GPC6: variants seen among roughly 807,000 people sequenced by gnomAD.
The protein encoded by GPC6 is glypican 6.
Under a neutral mutation model 55.2 loss-of-function variants are expected in GPC6, and 14 were observed. The ratio of observed to expected loss-of-function variants is 0.25; its 90% CI spans 0.17 to 0.40. The LOEUF is 0.40. GPC6 is among the 10% of genes least tolerant of loss of function. The pLI is 1.00. For synonymous variants in GPC6, 278 were observed against 259.6 expected (o/e 1.07, Z -0.68); for missense variants, 641 against 708.5 (o/e 0.90, Z 1.08).
At chr13:93,599,756 A>C (rs1010761240) in intron 2 of GPC6, among the ~76,000 whole-genome samples, 26 of 152,246 alleles carry the variant, frequency 1.7e-4, no homozygotes, top group Non-Finnish European at 3.7e-4. Context: ...AATGAGGGTT[A>C]GCTTAATTTA....
intron 3 of GPC6, among the ~76,000 whole-genome samples, chr13:93,872,041 A>T (rs1485396491): frequency 6.6e-6 from 1 of 152,030 alleles, no homozygotes; most frequent in Non-Finnish European, 1.5e-5. Flanking sequence ...CATGTATTCA[A>T]ATTTATGATC....
chr13:93,577,491 AT>A (rs34215831), intron 2 of GPC6, among the ~76,000 whole-genome samples: 137,270 of 151,682 alleles, frequency 0.9, 62,310 homozygotes, highest in African/African-American at 0.97. Context: ...AATAGATAGC[AT>A]TTTTTTTTCA....
chr13:94,226,091 T>C (rs1474978346), intron 4 of GPC6, among the ~76,000 whole-genome samples: 1 of 152,212 alleles, frequency 6.6e-6, no homozygotes, highest in Non-Finnish European at 1.5e-5. Context: ...TCTGCATTTT[T>C]GCTGAGATGA....
intron 4 of GPC6, among the ~76,000 whole-genome samples, chr13:94,100,059 G>A (rs1417430784): frequency 6.6e-6 from 1 of 151,904 alleles, no homozygotes; most frequent in African/African-American, 2.4e-5. Context: ...TGAGTACATG[G>A]GTTTACCTAT....
At chr13:93,982,435 G>A (rs1880848664) in intron 3 of GPC6, among the ~76,000 whole-genome samples, 1 of 152,140 alleles carries the variant, frequency 6.6e-6, no homozygotes, top group Non-Finnish European at 1.5e-5. Flanking sequence ...CGAGGGAAAG[G>A]TCACAGAAGA....
intron 1 of GPC6, among the ~76,000 whole-genome samples, chr13:93,527,461 C>A (rs1881699918): frequency 6.6e-6 from 1 of 152,086 alleles, no homozygotes. Flanking sequence ...ACTCTGAACT[C>A]CTTTTGGTTT....
chr13:94,139,063 A>C (rs981338894), intron 4 of GPC6, among the ~76,000 whole-genome samples: 6 of 151,878 alleles, frequency 4.0e-5, no homozygotes, highest in African/African-American at 1.5e-4. Context: ...TTTTGAAGAT[A>C]TGGTAGGAGT....
chr13:93,966,536 A>G (rs1880050736), intron 3 of GPC6, among the ~76,000 whole-genome samples: 1 of 152,110 alleles, frequency 6.6e-6, no homozygotes, highest in South Asian at 2.1e-4. Flanking sequence ...AGTATAAGCA[A>G]CTTTAGCCCA....
At chr13:93,974,500 G>A (rs574805030) in intron 3 of GPC6, among the ~76,000 whole-genome samples, 1 of 152,074 alleles carries the variant, frequency 6.6e-6, no homozygotes, top group Non-Finnish European at 1.5e-5. Flanking sequence ...GATGATCTAT[G>A]TAACAAATCT....
At chr13:93,280,600 C>A (rs932397356) in intron 1 of GPC6, among the ~76,000 whole-genome samples, 2 of 152,170 alleles carry the variant, frequency 1.3e-5, no homozygotes, top group African/African-American at 4.8e-5. Flanking sequence ...TTGTGCATGC[C>A]TAACAAGGTA....
intron 3 of GPC6, among the ~76,000 whole-genome samples, chr13:93,993,214 T>C (rs762909300): frequency 6.6e-6 from 1 of 152,140 alleles, no homozygotes; most frequent in Non-Finnish European, 1.5e-5. Context: ...TGTAAATAGA[T>C]GTATTTGCAT....
chr13:93,414,079 T>C (rs935245683), intron 1 of GPC6, among the ~76,000 whole-genome samples: 1 of 152,204 alleles, frequency 6.6e-6, no homozygotes, highest in Non-Finnish European at 1.5e-5. Flanking sequence ...GACCACATAT[T>C]TGCCTATGCT....
At chr13:94,172,831 C>G (rs1165332480) in intron 4 of GPC6, among the ~76,000 whole-genome samples, 1 of 152,108 alleles carries the variant, frequency 6.6e-6, no homozygotes, top group Non-Finnish European at 1.5e-5. Context: ...GCATGAGAGA[C>G]AGTATGTTCA....
At chr13:93,483,890 G>A (rs1879606653) in intron 1 of GPC6, among the ~76,000 whole-genome samples, 2 of 152,106 alleles carry the variant, frequency 1.3e-5, no homozygotes, top group Admixed American at 6.6e-5. Flanking sequence ...TTGGAAATTA[G>A]CTACATATTG....
chr13:94,094,378 T>C (rs1885594959), intron 4 of GPC6, among the ~76,000 whole-genome samples: 1 of 152,178 alleles, frequency 6.6e-6, no homozygotes, highest in Non-Finnish European at 1.5e-5. Flanking sequence ...TGGAAATTAC[T>C]GGCACCTCTT....
At chr13:93,272,656 A>G (rs1265105155) in intron 1 of GPC6, among the ~76,000 whole-genome samples, 1 of 152,070 alleles carries the variant, frequency 6.6e-6, no homozygotes, top group Non-Finnish European at 1.5e-5. Flanking sequence ...GAGCTCCAAC[A>G]ATTTGTTCTA....
intron 1 of GPC6, among the ~76,000 whole-genome samples, chr13:93,358,488 T>A (rs1880931779): frequency 6.6e-6 from 1 of 152,126 alleles, no homozygotes; most frequent in South Asian, 2.1e-4. Flanking sequence ...TGAGACACAA[T>A]GAAATGAAGG....
At chr13:93,881,248 G>A (rs1475434068) in intron 3 of GPC6, among the ~76,000 whole-genome samples, 3 of 151,988 alleles carry the variant, frequency 2.0e-5, no homozygotes, top group African/African-American at 7.2e-5. Flanking sequence ...TTAAGTCATT[G>A]CCAGGACCCT....
intron 1 of GPC6, among the ~76,000 whole-genome samples, chr13:93,498,633 A>G (rs1880399515): frequency 6.6e-6 from 1 of 152,086 alleles, no homozygotes; most frequent in South Asian, 2.1e-4. Flanking sequence ...TGCTGCTGCC[A>G]TGTAAGAGGT....
Sources: gnomAD v4.1 joint callset for allele counts (sites outside exome capture counted in the v4.1 genomes callset) on GRCh38, gnomAD v4.1.1 for gene constraint, MANE v1.5 for transcripts, NCBI Gene and HGNC (gene_info 2026-07-23, HGNC 2026-07-21) for gene names.